Variants in LRRC17 observed in about 807,000 individuals in gnomAD.
LRRC17 encodes the protein leucine rich repeat containing 17.
LRRC17 carries 33 observed loss-of-function variants against 41.5 expected under a neutral mutation model. The observed-to-expected ratio is 0.80, with a 90% CI of 0.60 to 1.06. The LOEUF (loss-of-function observed/expected upper bound fraction) is 1.06. Among genes scored for constraint, LRRC17 ranks in the 50% least tolerant of loss-of-function variants. The pLI is 0.00. For synonymous variants in LRRC17, 192 were observed against 197.0 expected (o/e 0.97, Z 0.21); for missense variants, 491 against 519.3 (o/e 0.95, Z 0.53).
At chr7:102,929,745 A>G (rs1818838234) in intron 1 of LRRC17, among the ~76,000 whole-genome samples, 1 of 151,370 alleles carries the variant, frequency 6.6e-6, no homozygotes, top group Non-Finnish European at 1.5e-5. Flanking sequence ...CCGGGGGTTG[A>G]GAGAAAATGA....
chr7:102,926,458 C>G (rs1403957681), intron 1 of LRRC17: 12 of 1,030,910 alleles, frequency 1.2e-5, no homozygotes, highest in Non-Finnish European at 1.6e-5. Context: ...ATCCCTCTTC[C>G]TGTTCCAGAA....
Position 102,916,445 on chromosome 7 carries a change from G to A in LRRC17, c.-141+3300G>A, listed in dbSNP as rs76525326. On this transcript the variant is annotated intron_variant, in intron 1 of 3. Coordinates refer to ENST00000339431, the MANE Select transcript of LRRC17 (RefSeq NM_001031692.3). ...GTGACTCCTGGATTGAAAATCTCTG[G>A]ATAGCTCTTTTCACAGTGGAACCTC... 9.6e-3 allele frequency among the ~76,000 whole-genome samples: 1,458 copies of A among 152,256 alleles called. 84 individuals carry two copies. The East Asian group carries it at 0.16, about 17-fold the overall frequency.
intron 1 of LRRC17, among the ~76,000 whole-genome samples, chr7:102,915,119 A>AAT (rs1453804522): frequency 1.2e-4 from 18 of 144,162 alleles, no homozygotes; most frequent in South Asian, 6.7e-4. Flanking sequence ...TGGAGATTAA[A>AAT]ATATTTTTTT....
chr7:102,944,542 T>TG lies in LRRC17; in HGVS notation c.1264dup (p.Glu422GlyfsTer5). ...TGACCAAGACACAGAAGATGATGAA[T>TG]GGGAAAAAAAACATAGAGATCACAC... On this transcript the variant is annotated frameshift_variant, in exon 4 of 4. Transcript: ENST00000339431. LOFTEE classifies it high-confidence loss of function. The TG allele has an allele frequency of 6.2e-7, 1 of 1,612,488 alleles. No homozygotes were observed. Among genetic ancestry groups the TG allele is most frequent in the Non-Finnish European group, 8.5e-7 (1 of 1,179,594 alleles).
At chr7:102,914,496 A>G (rs757697048) in intron 1 of LRRC17, among the ~76,000 whole-genome samples, 50 of 152,262 alleles carry the variant, frequency 3.3e-4, no homozygotes, top group Non-Finnish European at 5.9e-4. Context: ...AAAAAGAATG[A>G]AAAGTGAGGA....
At position 102,921,509 on chromosome 7, in the gene LRRC17, G is replaced by A. The variant is rs373516622; in HGVS notation, c.-141+8364G>A. On this transcript the variant is annotated intron_variant, in intron 1 of 3. Transcript: ENST00000339431. ...AGCCTGGCCAATGTGGTGAAACCCT[G>A]TCTCTACTAAAAATACAAAAATTAG... 1.4e-4 allele frequency among the ~76,000 whole-genome samples: 22 copies of A among 151,848 alleles called. 1 individual carries two copies. In the South Asian group the frequency reaches 4.6e-3, roughly 32 times the overall value.
chr7:102,940,075 G>A (rs1821098157), intron 3 of LRRC17, among the ~76,000 whole-genome samples: 1 of 151,136 alleles, frequency 6.6e-6, no homozygotes, highest in African/African-American at 2.4e-5. Context: ...TGTATTTTTA[G>A]TAGAGATGGG....
intron 1 of LRRC17, among the ~76,000 whole-genome samples, chr7:102,921,191 A>G (rs1431425547): frequency 1.3e-5 from 2 of 152,186 alleles, no homozygotes; most frequent in Admixed American, 1.3e-4. Context: ...ATCAACCAGC[A>G]TAAAGAATAT....
intron 1 of LRRC17, among the ~76,000 whole-genome samples, chr7:102,920,038 CA>C (rs1481065416): frequency 6.6e-6 from 1 of 152,250 alleles, no homozygotes; most frequent in East Asian, 1.9e-4. Context: ...TGTGTTCATA[CA>C]GGGGAGTAGG....
intron 1 of LRRC17, chr7:102,931,731 G>T: frequency 1.6e-6 from 1 of 630,192 alleles, no homozygotes. Flanking sequence ...TGTGCAGATG[G>T]AGTAAAATTT....
At chr7:102,935,213 T>A (rs1247072216) in intron 2 of LRRC17, among the ~76,000 whole-genome samples, 1 of 148,756 alleles carries the variant, frequency 6.7e-6, no homozygotes, top group African/African-American at 2.5e-5. Flanking sequence ...TAAATGCTCC[T>A]ATGCTCATGC....
rs562935218 is a variant in LRRC17, at chr7:102,920,770, G to A, written c.-141+7625G>A. On this transcript the variant is annotated intron_variant, in intron 1 of 3. Coordinates refer to ENST00000339431, the MANE Select transcript of LRRC17 (RefSeq NM_001031692.3). ...ATATAAAAGATAAACCTAAAATCCC[G>A]CATCACAAAGGTTAAAAATACAGAG... Among the ~76,000 whole-genome samples, 180 of 152,190 alleles carry A rather than the reference G, an allele frequency of 1.2e-3. 1 individual carries two copies. Among genetic ancestry groups the A allele is most frequent in the Admixed American group, 3.0e-3 (46 of 15,298 alleles).
chr7:102,933,684 C>T (rs376142266), intron 1 of LRRC17, 90 bp from the exon 2 acceptor site: 26 of 346,256 alleles, frequency 7.5e-5, no homozygotes, highest in East Asian at 6.1e-4. Flanking sequence ...AACTAGAAGG[C>T]CTTTGCCTTA....
At chr7:102,936,550 T>C (rs527253698) in intron 2 of LRRC17, among the ~76,000 whole-genome samples, 4 of 152,232 alleles carry the variant, frequency 2.6e-5, no homozygotes, top group African/African-American at 7.2e-5. Context: ...TAGTGCTTCA[T>C]GCTGAAGAGC....
intron 1 of LRRC17, among the ~76,000 whole-genome samples, chr7:102,925,681 C>T (rs1228780558): frequency 6.6e-6 from 1 of 151,846 alleles, no homozygotes; most frequent in Non-Finnish European, 1.5e-5. Flanking sequence ...GTGGCTCACG[C>T]CTGTAATTCC....
At chr7:102,937,506 C>CAAA (rs10642422) in intron 2 of LRRC17, among the ~76,000 whole-genome samples, 7,861 of 113,088 alleles carry the variant, frequency 0.07, 545 homozygotes, top group East Asian at 0.13. Flanking sequence ...GACTCTGTCT[C>CAAA]AAAAAAAAAA....
At position 102,934,355 on chromosome 7, in the gene LRRC17, G is replaced by A. The variant is rs761035740; in HGVS notation, c.442G>A (p.Val148Met). 1.3e-5 allele frequency: 21 copies of A among 1,614,036 alleles called. No individual in the cohort carries two copies. The highest frequency in any genetic ancestry group is 1.7e-5 in the Non-Finnish European group (20 of 1,180,022). ...HNQIKVLTEE[V>M]FIYTPLLSYL... The stretch of plus-strand genomic sequence containing the variant: ...CCAGATCAAAGTCTTGACGGAGGAA[G>A]TGTTCATTTACACACCTCTCTTGAG... The change falls in exon 2 of 4, where the codon GTG becomes ATG. Residue 148 changes from valine (V) to methionine (M), a missense_variant. Physicochemically the swap from Val to Met is conservative, Grantham distance 21. Coordinates refer to ENST00000339431, the MANE Select transcript of LRRC17 (RefSeq NM_001031692.3).
chr7:102,937,486 G>A (rs1427824842), intron 2 of LRRC17, among the ~76,000 whole-genome samples: 1 of 119,106 alleles, frequency 8.4e-6, no homozygotes, highest in Admixed American at 1.0e-4. Flanking sequence ...CAGCCTGGGC[G>A]ACAGAGCAAG....
At chr7:102,938,415 G>C (rs1270576535) in intron 2 of LRRC17, among the ~76,000 whole-genome samples, 2 of 152,204 alleles carry the variant, frequency 1.3e-5, no homozygotes, top group Admixed American at 6.5e-5. Flanking sequence ...TTTCAGAGTA[G>C]TTCTGAGGTT....
Sources: gnomAD v4.1 joint callset for allele counts (sites outside exome capture counted in the v4.1 genomes callset) on GRCh38, gnomAD v4.1.1 for gene constraint, MANE v1.5 for transcripts, NCBI Gene and HGNC (gene_info 2026-07-23, HGNC 2026-07-21) for gene names.